FARS2: variants seen among roughly 807,000 people sequenced by gnomAD.
FARS2 encodes the protein phenylalanine--tRNA ligase, mitochondrial.
In FARS2, 40 loss-of-function variants were observed where a neutral mutation model predicts 46.4. That is an observed-to-expected ratio of 0.86 (90% CI 0.67 to 1.12). FARS2 has a LOEUF of 1.12. FARS2 is among the 50% of genes most tolerant of loss of function. The pLI, the probability that FARS2 is intolerant of heterozygous loss-of-function variation, is 0.00. For synonymous variants in FARS2, 234 were observed against 214.9 expected, an observed-to-expected ratio of 1.09 and a Z score of -0.78; for missense variants, 513 against 567.9, an observed-to-expected ratio of 0.90 and a Z score of 0.98.
chr6:5,712,551 T>C (rs968183138), intron 6 of FARS2, among the ~76,000 whole-genome samples: 1 of 152,218 alleles, frequency 6.6e-6, no homozygotes, highest in Non-Finnish European at 1.5e-5. Context: ...AACTCGGAAA[T>C]GTAGACAGTT....
chr6:5,762,448 T>C (rs533953957), intron 6 of FARS2, among the ~76,000 whole-genome samples: 2 of 152,218 alleles, frequency 1.3e-5, no homozygotes, highest in African/African-American at 4.8e-5. Context: ...TACACACGCA[T>C]GCAAGGACCA....
intron 1 of FARS2, among the ~76,000 whole-genome samples, chr6:5,271,415 A>G (rs1341648903): frequency 6.6e-6 from 1 of 152,208 alleles, no homozygotes; most frequent in Non-Finnish European, 1.5e-5. Context: ...GTCTTGAACC[A>G]GTTGCCTAGC....
chr6:5,250,378 A>G, the FARS2 span, among the ~76,000 whole-genome samples: 2 of 152,200 alleles, frequency 1.3e-5, no homozygotes, highest in African/African-American at 4.8e-5. Flanking sequence ...GTAAAAAAGA[A>G]TGTTATTTTT....
intron 4 of FARS2, among the ~76,000 whole-genome samples, chr6:5,446,387 A>C (rs1035991120): frequency 1.3e-5 from 2 of 152,054 alleles, no homozygotes; most frequent in Non-Finnish European, 2.9e-5. Context: ...AGCTCTCAAA[A>C]TCCATTATAT....
At chr6:5,555,295 G>T (rs1771592999) in intron 5 of FARS2, among the ~76,000 whole-genome samples, 2 of 152,098 alleles carry the variant, frequency 1.3e-5, no homozygotes, top group South Asian at 4.1e-4. Flanking sequence ...CCAGTATCAG[G>T]TATGTCTTCA....
intron 5 of FARS2, among the ~76,000 whole-genome samples, chr6:5,551,044 T>A (rs1771342798): frequency 6.6e-6 from 1 of 152,248 alleles, no homozygotes; most frequent in African/African-American, 2.4e-5. Context: ...AGGCTAAGAA[T>A]TTCCCAAATT....
At chr6:5,386,553 A>G (rs1004584357) in intron 2 of FARS2, among the ~76,000 whole-genome samples, 2 of 152,172 alleles carry the variant, frequency 1.3e-5, no homozygotes, top group Non-Finnish European at 2.9e-5. Context: ...GATTATTACA[A>G]TCGTCCGAGA....
At chr6:5,434,441 GAA>G (rs1763404446) in intron 4 of FARS2, among the ~76,000 whole-genome samples, 1 of 152,186 alleles carries the variant, frequency 6.6e-6, no homozygotes, top group Non-Finnish European at 1.5e-5. Flanking sequence ...TTTCACAAGA[GAA>G]GGAAACTAAG....
intron 5 of FARS2, among the ~76,000 whole-genome samples, chr6:5,567,098 C>G (rs1457366859): frequency 6.6e-6 from 1 of 152,240 alleles, no homozygotes. Context: ...AGTCTATACT[C>G]TATAGTGGCT....
upstream of FARS2, chr6:5,260,618 G>A: frequency 1.5e-5 from 10 of 677,724 alleles, no homozygotes; most frequent in Non-Finnish European, 2.1e-5. Flanking sequence ...CTGGCCCCCC[G>A]CCCCCGGCCC....
At chr6:5,415,164 A>G (rs1407558150) in intron 3 of FARS2, among the ~76,000 whole-genome samples, 1 of 151,634 alleles carries the variant, frequency 6.6e-6, no homozygotes, top group Non-Finnish European at 1.5e-5. Context: ...TGCTTGTACC[A>G]TGTTACATTT....
At chr6:5,617,392 C>T (rs1491002912) in intron 6 of FARS2, among the ~76,000 whole-genome samples, 2 of 152,190 alleles carry the variant, frequency 1.3e-5, no homozygotes, top group East Asian at 3.9e-4. Context: ...GGGCATGTGT[C>T]CCTTATTAAG....
At chr6:5,373,060 C>G (rs1053236623) in intron 2 of FARS2, among the ~76,000 whole-genome samples, 1 of 152,104 alleles carries the variant, frequency 6.6e-6, no homozygotes, top group African/African-American at 2.4e-5. Context: ...CTCCCTAAAT[C>G]CTCACAAATG....
At chr6:5,321,173 G>A (rs1483343900) in intron 1 of FARS2, among the ~76,000 whole-genome samples, 1 of 152,222 alleles carries the variant, frequency 6.6e-6, no homozygotes, top group Non-Finnish European at 1.5e-5. Flanking sequence ...CTTGTACAAA[G>A]TGATCATTGC....
At chr6:5,632,635 C>A (rs1219224922) in intron 6 of FARS2, among the ~76,000 whole-genome samples, 2 of 90,952 alleles carry the variant, frequency 2.2e-5, no homozygotes, top group Admixed American at 2.6e-4. Flanking sequence ...CCCTCCCTCC[C>A]TTCTTCCTTC....
At chr6:5,584,986 T>A (rs1309778431) in intron 5 of FARS2, among the ~76,000 whole-genome samples, 1 of 152,206 alleles carries the variant, frequency 6.6e-6, no homozygotes, top group Non-Finnish European at 1.5e-5. Flanking sequence ...AAAAATGCAT[T>A]ATTTTTCTTA....
intron 5 of FARS2, among the ~76,000 whole-genome samples, chr6:5,553,384 C>T (rs575340536): frequency 2.0e-5 from 3 of 152,212 alleles, no homozygotes; most frequent in Admixed American, 6.5e-5. Flanking sequence ...AAAGACTTTC[C>T]ATGTCTTAAT....
chr6:5,522,299 T>C (rs376836465), intron 4 of FARS2, among the ~76,000 whole-genome samples: 1 of 152,278 alleles, frequency 6.6e-6, no homozygotes, highest in African/African-American at 2.4e-5. Flanking sequence ...TAGATGCCAC[T>C]AGCAAGAGGA....
At chr6:5,648,217 TA>T (rs1777171554) in intron 6 of FARS2, among the ~76,000 whole-genome samples, 1 of 152,204 alleles carries the variant, frequency 6.6e-6, no homozygotes, top group Non-Finnish European at 1.5e-5. Context: ...TTAAACACAG[TA>T]GCCTCATGTC....
Sources: allele counts gnomAD v4.1 joint callset (sites outside exome capture counted in the v4.1 genomes callset), GRCh38; gene constraint gnomAD v4.1.1; transcripts MANE v1.5; gene names NCBI Gene and HGNC (gene_info 2026-07-23, HGNC 2026-07-21).